Variants in NBEAL1 observed in about 807,000 individuals in gnomAD.
NBEAL1 encodes the protein neurobeachin like 1.
In NBEAL1, 273 loss-of-function variants were observed where a neutral mutation model predicts 351.3. That is an observed-to-expected ratio of 0.78 (90% CI 0.70 to 0.86). NBEAL1 has a LOEUF of 0.86. NBEAL1 is among the 40% of genes least tolerant of loss of function. The pLI is 0.00. For missense variants in NBEAL1, 2,961 were observed against 3,201.3 expected (o/e 0.92, Z 1.81); for synonymous variants, 1,050 against 1,086.4 (o/e 0.97, Z 0.66).
chr2:203,224,952 G>A lies in NBEAL1; in HGVS notation c.*7598G>A, dbSNP rs940644635. On this transcript the variant is annotated 3_prime_UTR_variant, in exon 56 of 56. Transcript: ENST00000683969. ...TTAAAATTAAATATATAAGATGTAT[G>A]TTTTGTTTTATTACATTAAGTGCTA... 1.3e-5 allele frequency among the ~76,000 whole-genome samples: 2 copies of A among 151,978 alleles called. No homozygotes were observed. Among genetic ancestry groups the A allele is most frequent in the East Asian group, 1.9e-4 (1 of 5,196 alleles).
chr2:203,154,235 C>CA (rs568311684), intron 35 of NBEAL1, among the ~76,000 whole-genome samples: 1,651 of 69,858 alleles, frequency 0.024, 22 homozygotes, highest in African/African-American at 0.059. Flanking sequence ...GACCCCGTCT[C>CA]AAAAAAAAAA....
intron 7 of NBEAL1, chr2:203,074,862 A>C (rs1021129571): frequency 6.4e-6 from 1 of 156,496 alleles, no homozygotes; most frequent in East Asian, 1.8e-4. Flanking sequence ...AGTGAACACA[A>C]GTGTTTTGCT....
intron 10 of NBEAL1, among the ~76,000 whole-genome samples, chr2:203,088,112 T>C (rs2062001575): frequency 6.6e-6 from 1 of 152,238 alleles, no homozygotes; most frequent in Non-Finnish European, 1.5e-5. Flanking sequence ...AGGCTTATTT[T>C]AAAAGTATTA....
rs1300324811 is a variant in NBEAL1 at position 203,220,900 on chromosome 2, A to AGT, written c.*3548_*3549dup. Among the ~76,000 whole-genome samples, 1 of 152,198 alleles carries AGT rather than the reference A, an allele frequency of 6.6e-6. No individual in the cohort carries two copies. The highest frequency in any genetic ancestry group is 2.4e-5 in the African/African-American group (1 of 41,462). ...AATCTGTTAACTTTGTTTAGGTCAC[A>AGT]GTGCAGTGCATCCTTTTGTAGAAGA... On this transcript the variant is annotated 3_prime_UTR_variant, in exon 56 of 56. Transcript: ENST00000683969.
At chr2:203,170,524 T>C (rs556548039) in intron 39 of NBEAL1, among the ~76,000 whole-genome samples, 16 of 152,310 alleles carry the variant, frequency 1.1e-4, no homozygotes, top group Admixed American at 5.9e-4. Flanking sequence ...TATATTCTTA[T>C]TTATATCCCA....
intron 44 of NBEAL1, among the ~76,000 whole-genome samples, chr2:203,188,140 A>C (rs1393013354): frequency 1.3e-5 from 2 of 151,874 alleles, no homozygotes; most frequent in Non-Finnish European, 2.9e-5. Context: ...TTCAATGGAA[A>C]TTTTGCCACA....
intron 17 of NBEAL1, among the ~76,000 whole-genome samples, chr2:203,115,416 G>A (rs1471677624): frequency 1.3e-5 from 2 of 151,798 alleles, no homozygotes; most frequent in Non-Finnish European, 2.9e-5. Flanking sequence ...GAGCCACCAT[G>A]CGTGACCAGA....
chr2:203,153,588 A>G (rs2063719032), intron 35 of NBEAL1, among the ~76,000 whole-genome samples: 1 of 152,246 alleles, frequency 6.6e-6, no homozygotes. Context: ...TTAATTCAAA[A>G]TAATGGCCCT....
chr2:203,188,999 G>C (rs2064993186), intron 45 of NBEAL1, among the ~76,000 whole-genome samples: 1 of 152,176 alleles, frequency 6.6e-6, no homozygotes, highest in African/African-American at 2.4e-5. Context: ...TTTTTAAAAA[G>C]TAGTTCTTTA....
In NBEAL1 at chr2:203,180,512, C is replaced by G. The variant is rs1475288477; in HGVS notation, c.6595C>G (p.Gln2199Glu). ...YFPEFLENQN[Q>E]FNLGRLQISK... ...CCCAGAGTTTTTGGAAAATCAAAAT[C>G]GTAAGAAATAGAGGATTAAAAATTT... Residue 2199 changes from glutamine to glutamate, a missense_variant and splice_region_variant, in exon 43 of 56, where the codon CAA (glutamine) becomes GAA (glutamate). Physicochemically the swap from Gln to Glu is conservative, Grantham distance 29 (BLOSUM62 2). Transcript: ENST00000683969. 1 of 1,604,816 alleles carries G rather than the reference C, an allele frequency of 6.2e-7. No individual in the cohort carries two copies.
intron 8 of NBEAL1, among the ~76,000 whole-genome samples, chr2:203,081,741 A>G (rs2061876838): frequency 6.6e-6 from 1 of 152,162 alleles, no homozygotes; most frequent in Admixed American, 6.5e-5. Context: ...TTATGTTCAC[A>G]TTTGGGGCTC....
intron 55 of NBEAL1, 21 bp from the exon 56 acceptor site, chr2:203,217,232 T>C: frequency 1.4e-6 from 2 of 1,473,880 alleles, no homozygotes; most frequent in Admixed American, 2.4e-5. Context: ...ATTCTTCATT[T>C]CTTTGGATTA....
intron 2 of NBEAL1, among the ~76,000 whole-genome samples, chr2:203,017,408 G>A (rs2060699289): frequency 6.6e-6 from 1 of 151,932 alleles, no homozygotes; most frequent in Non-Finnish European, 1.5e-5. Context: ...TTGACTTCCT[G>A]GTTTGATATA....
chr2:203,090,714 C>T (rs2062046987), intron 10 of NBEAL1, among the ~76,000 whole-genome samples: 1 of 151,884 alleles, frequency 6.6e-6, no homozygotes, highest in African/African-American at 2.4e-5. Context: ...CATGGAAACC[C>T]CGTCTCTACT....
At chr2:203,160,119 G>A (rs1454749483) in intron 36 of NBEAL1, among the ~76,000 whole-genome samples, 2 of 132,436 alleles carry the variant, frequency 1.5e-5, no homozygotes, top group African/African-American at 5.8e-5. Context: ...TGCTCTTGTC[G>A]CCCATGCCAG....
intron 10 of NBEAL1, among the ~76,000 whole-genome samples, chr2:203,091,116 A>T (rs902652778): frequency 6.6e-6 from 1 of 152,164 alleles, no homozygotes; most frequent in Non-Finnish European, 1.5e-5. Flanking sequence ...TGAAAACTCT[A>T]TACCCATTAA....
chr2:203,176,488 G>A (rs933390192), intron 42 of NBEAL1, among the ~76,000 whole-genome samples: 4 of 152,010 alleles, frequency 2.6e-5, no homozygotes, highest in African/African-American at 4.8e-5. Context: ...ACTTTGGGAG[G>A]CCAAGGTGGG....
At position 203,138,600 on chromosome 2, in the gene NBEAL1, A is replaced by G. The variant is rs866624541; in HGVS notation, c.4720-20A>G. On this transcript the variant is annotated intron_variant, in intron 30 of 55. Coordinates refer to ENST00000683969, the MANE Select transcript of NBEAL1 (RefSeq NM_001378026.1). Reference sequence around the variant, plus strand: ...AAAAACTGAATGTTTTTATTTCTCAATTTTTTTCCTTTGTGATAGCTTTTA... The same window carrying G: ...AAAAACTGAATGTTTTTATTTCTCAGTTTTTTTCCTTTGTGATAGCTTTTA... 4 of 1,567,066 alleles carry G rather than the reference A, an allele frequency of 2.6e-6. No homozygotes were observed. The highest frequency in any genetic ancestry group is 1.7e-4 in the Middle Eastern group (1 of 5,828).
chr2:203,217,457 C>G lies in NBEAL1; in HGVS notation c.*103C>G. 7.5e-7 allele frequency: 1 copy of G among 1,338,322 alleles called. No homozygotes were observed. The highest frequency in any genetic ancestry group is 9.6e-7 in the Non-Finnish European group (1 of 1,039,242). 82.9% of individuals were successfully genotyped at this position (1,338,322 alleles called of 1,614,324 possible). Reference sequence around the variant, plus strand: ...CTGCAATGTTGCAAGGCTTTTATCCCTGAAAATCATTTACAGATAACCACA... The same window carrying G: ...CTGCAATGTTGCAAGGCTTTTATCCGTGAAAATCATTTACAGATAACCACA... On this transcript the variant is annotated 3_prime_UTR_variant, in exon 56 of 56. Transcript: ENST00000683969.
Sources: gnomAD v4.1 joint callset for allele counts (sites outside exome capture counted in the v4.1 genomes callset) on GRCh38, gnomAD v4.1.1 for gene constraint, MANE v1.5 for transcripts, NCBI Gene and HGNC (gene_info 2026-07-23, HGNC 2026-07-21) for gene names.